Variants in RNASEK observed in about 807,000 individuals in gnomAD.
RNASEK encodes the protein ribonuclease K, also known as ribonuclease kappa.
A neutral mutation model predicts 11.2 loss-of-function variants in RNASEK; 7 were observed. The observed-to-expected ratio is 0.62, with a 90% CI of 0.35 to 1.17. The LOEUF is 1.17. RNASEK is among the 50% of genes most tolerant of loss of function. The pLI, the probability that RNASEK is intolerant of heterozygous loss-of-function variation, is 0.02. For missense variants in RNASEK, 101 were observed against 126.7 expected, an observed-to-expected ratio of 0.80 and a Z score of 0.97; for synonymous variants, 46 against 49.5, an observed-to-expected ratio of 0.93 and a Z score of 0.30.
intron 1 of RNASEK, chr17:7,013,227 G>A (rs986664227): frequency 1.1e-6 from 1 of 936,272 alleles, no homozygotes; most frequent in African/African-American, 1.7e-5. Context: ...ACAAGAGCGG[G>A]GTGCCTGAGA....
chr17:7,013,602 G>A (rs1245658492), intron 1 of RNASEK, 64 bp from the exon 2 acceptor site: 1 of 1,595,918 alleles, frequency 6.3e-7, no homozygotes, highest in Admixed American at 1.7e-5. Flanking sequence ...AATGGGAGGG[G>A]TTTACGAAGT....
Position 7,013,331 on chromosome 17 carries a change from C to A in RNASEK, c.79-335C>A, listed in dbSNP as rs977357508. On this transcript the variant is annotated intron_variant, in intron 1 of 2. Transcript: ENST00000593646. ...CTTGTTTTCCCAGTAATCCACCCAC[C>A]GCCACTTCAAGAAGAAATGATATGA... 5.9e-6 allele frequency: 9 copies of A among 1,521,082 alleles called. No homozygotes were observed. The African/African-American group carries it at 1.1e-4, about 19-fold the overall frequency. The allele number at this position is 1,521,082 out of a possible 1,614,324, so 94.2% of individuals were successfully genotyped here. A position where few individuals can be genotyped will look rare whatever the true frequency, so the allele number is the denominator to read the frequency against.
In RNASEK at chr17:7,014,470, CTGTTCCGTTTCTCCACCCTTCGCTG is replaced by C. The variant is rs371756524; in HGVS notation, c.*188_*212del. ...CGTGGAGAGGGCTGAGGCTGGGGGGCTGTTCCGTTTCTCCACCCTTCGCTGTGTCCCGTATCTCAATAAAGAGAAT... is the reference window on the plus strand; with the variant it reads ...CGTGGAGAGGGCTGAGGCTGGGGGGCTGTCCCGTATCTCAATAAAGAGAAT... On this transcript the variant is annotated 3_prime_UTR_variant, in exon 3 of 3. Coordinates refer to ENST00000593646, the MANE Select transcript of RNASEK (RefSeq NM_001004333.5). The surrounding 1 kb of genome is among the most constrained non-coding windows in gnomAD (Gnocchi z 4.5). The C allele has an allele frequency of 0.089, 57,139 of 642,924 alleles. 3,679 individuals are homozygous for C. The highest frequency in any genetic ancestry group is 0.3 in the Admixed American group (10,187 of 34,496). 39.8% of individuals were successfully genotyped at this position (642,924 alleles called of 1,614,324 possible).
chr17:7,013,588 T>G, intron 1 of RNASEK, 78 bp from the exon 2 acceptor site: 3 of 1,600,912 alleles, frequency 1.9e-6, no homozygotes, highest in Non-Finnish European at 2.6e-6. Context: ...GTAGCAACAT[T>G]GGAAATGGGA....
At chr17:7,012,820 C>A in intron 1 of RNASEK, 59 bp downstream of exon 1, 1 of 1,512,528 alleles carries the variant, frequency 6.6e-7, no homozygotes, top group Non-Finnish European at 9.1e-7. Context: ...GCTGGGAGGG[C>A]TGGGAGGCGA....
At chr17:7,013,080 G>T in intron 1 of RNASEK, 1 of 447,820 alleles carries the variant, frequency 2.2e-6, no homozygotes, top group Non-Finnish European at 4.0e-6. Flanking sequence ...AGCCGAGATC[G>T]CGCCACTGCA....
At chr17:7,013,912 C>T in intron 2 of RNASEK, 170 bp downstream of exon 2, 1 of 709,516 alleles carries the variant, frequency 1.4e-6, no homozygotes, top group East Asian at 2.6e-5. Flanking sequence ...CAGACCTCAG[C>T]GGCCATCCCA....
chr17:7,013,388 A>G, intron 1 of RNASEK: 1 of 1,535,576 alleles, frequency 6.5e-7, no homozygotes, highest in Non-Finnish European at 8.7e-7. Context: ...CCTCTTCCGC[A>G]CTGTCCCGTG....
chr17:7,013,082 G>A (rs528493331), intron 1 of RNASEK: 71 of 447,670 alleles, frequency 1.6e-4, no homozygotes, highest in Non-Finnish European at 1.8e-4. Flanking sequence ...CCGAGATCGC[G>A]CCACTGCACT....
At position 7,014,525 on chromosome 17, in the gene RNASEK, T is replaced by C; in HGVS notation, c.*239T>C. 1 of 609,352 alleles carries C rather than the reference T, an allele frequency of 1.6e-6. No homozygotes were observed. Among genetic ancestry groups the C allele is most frequent in the Non-Finnish European group, 2.9e-6 (1 of 345,572 alleles). 37.7% of individuals were successfully genotyped at this position (609,352 alleles called of 1,614,324 possible). ...CCGTATCTCAATAAAGAGAATCTGC[T>C]CTCTTCAGCCCTGTGTCTGTGCTTG... On this transcript the variant is annotated 3_prime_UTR_variant, in exon 3 of 3. Transcript: ENST00000593646. The surrounding 1 kb of genome is among the most constrained non-coding windows in gnomAD (Gnocchi z 4.5).
chr17:7,013,593 A>T, intron 1 of RNASEK, 73 bp from the exon 2 acceptor site: 1 of 1,598,992 alleles, frequency 6.3e-7, no homozygotes, highest in South Asian at 1.1e-5. Context: ...AACATTGGAA[A>T]TGGGAGGGGT....
intron 1 of RNASEK, chr17:7,013,370 C>G: frequency 6.5e-7 from 1 of 1,532,632 alleles, no homozygotes; most frequent in Non-Finnish European, 8.7e-7. Context: ...AGTGCCGGTT[C>G]TCCCTCCCCT....
intron 1 of RNASEK, chr17:7,013,339 C>G: frequency 6.6e-7 from 1 of 1,523,294 alleles, no homozygotes; most frequent in African/African-American, 1.4e-5. Context: ...ACCGCCACTT[C>G]AAGAAGAAAT....
In RNASEK at chr17:7,012,695, C is replaced by T. The variant is rs1034588836; in HGVS notation, c.12C>T (p.Leu4=). The T allele has an allele frequency of 2.5e-6, 4 of 1,613,286 alleles. No homozygotes were observed. The highest frequency in any genetic ancestry group is 3.4e-6 in the Non-Finnish European group (4 of 1,179,826). MAS[L]LCCGPKLAAC... is the part of the protein sequence containing the mutation. ...CGACTCCCTTCTTTATGGCGTCGCT[C>T]CTGTGCTGTGGGCCGAAGCTGGCCG... The change falls in exon 1 of 3, where the codon CTC becomes CTT. Residue 4 remains leucine (L), a synonymous_variant. Transcript: ENST00000593646.
rs772164179 is a variant in RNASEK, at chr17:7,014,412, GA to G, written c.*128del. On this transcript the variant is annotated 3_prime_UTR_variant, in exon 3 of 3. Coordinates refer to ENST00000593646, the MANE Select transcript of RNASEK (RefSeq NM_001004333.5). This position sits in a 1 kb window ranked among gnomAD's most constrained non-coding sequence, Gnocchi z 4.5. The stretch of plus-strand genomic sequence containing the variant: ...GACTGGGTTTCCCGGGCGAGAGACT[GA>G]ATCCCTTCTCCCATCTCTGGCATCC... 3.0e-6 allele frequency: 3 copies of G among 992,762 alleles called. No homozygotes were observed. The highest frequency in any genetic ancestry group is 1.6e-5 in the South Asian group (1 of 64,506). The allele number at this position is 992,762 out of a possible 1,614,324, so 61.5% of individuals were successfully genotyped here.
intron 2 of RNASEK, 24 bp downstream of exon 2, chr17:7,013,766 G>A (rs757285583): frequency 1.3e-6 from 2 of 1,534,422 alleles, no homozygotes; most frequent in Non-Finnish European, 1.8e-6. Flanking sequence ...TGGGGGAGGC[G>A]GGCTGGGAGC....
At position 7,014,019 on chromosome 17, in the gene RNASEK, G is replaced by C; in HGVS notation, c.156-126G>C. ...TGGCTATGACAGATCTCACCCCATA[G>C]GATGGTCAAGAAGATTGAATAAAGT... is the stretch of plus-strand genomic sequence containing the variant. On this transcript the variant is annotated intron_variant, in intron 2 of 2. Transcript: ENST00000593646. The surrounding 1 kb of genome is among the most constrained non-coding windows in gnomAD (Gnocchi z 4.5). 3.3e-6 allele frequency: 3 copies of C among 922,002 alleles called. No individual in the cohort carries two copies. The highest frequency in any genetic ancestry group is 2.2e-4 in the Middle Eastern group (1 of 4,460). The allele number at this position is 922,002 out of a possible 1,614,324, so 57.1% of individuals were successfully genotyped here.
Position 7,014,031 on chromosome 17 carries a change from A to G in RNASEK, c.156-114A>G. ...ATCTCACCCCATAGGATGGTCAAGA[A>G]GATTGAATAAAGTAATACACGTAAC... On this transcript the variant is annotated intron_variant, in intron 2 of 2. Transcript: ENST00000593646. This position sits in a 1 kb window ranked among gnomAD's most constrained non-coding sequence, Gnocchi z 4.5. The G allele has an allele frequency of 2.0e-6, 2 of 1,009,430 alleles. No homozygotes were observed. The highest frequency in any genetic ancestry group is 1.5e-6 in the Non-Finnish European group (1 of 671,234). 62.5% of individuals were successfully genotyped at this position (1,009,430 alleles called of 1,614,324 possible).
In RNASEK at chr17:7,014,266, A is replaced by G; in HGVS notation, c.277A>G (p.Lys93Glu). 6.2e-7 allele frequency: 1 copy of G among 1,613,764 alleles called. No individual in the cohort carries two copies. The highest frequency in any genetic ancestry group is 8.5e-7 in the Non-Finnish European group (1 of 1,179,822). The change falls in exon 3 of 3, where the codon AAG becomes GAG. Residue 93 changes from lysine (K) to glutamate (E), a missense_variant. Coordinates refer to ENST00000593646, the MANE Select transcript of RNASEK (RefSeq NM_001004333.5). The surrounding 1 kb of genome is among the most constrained non-coding windows in gnomAD (Gnocchi z 4.5). ...CTGCCAAGTTCGGCTCAATAAGCGCAAGGAATACATGGTGCGCTAGGGCCC... is the reference window on the plus strand; with the variant it reads ...CTGCCAAGTTCGGCTCAATAAGCGCGAGGAATACATGGTGCGCTAGGGCCC... ...SFCQVRLNKRKEYMVR is the reference protein window; with the variant it reads ...SFCQVRLNKREEYMVR
Sources: allele counts gnomAD v4.1 joint callset, GRCh38; gene constraint gnomAD v4.1.1; non-coding constraint Gnocchi (gnomAD v3.1); transcripts MANE v1.5; gene names NCBI Gene and HGNC (gene_info 2026-07-23, HGNC 2026-07-21).